LHFPL6: variants seen among roughly 807,000 people sequenced by gnomAD.
LHFPL6 encodes LHFPL tetraspan subfamily member 6.
A neutral mutation model predicts 20.6 loss-of-function variants in LHFPL6; 9 were observed. The observed-to-expected ratio is 0.44, with a 90% confidence interval of 0.26 to 0.76. The LOEUF (loss-of-function observed/expected upper bound fraction) is 0.76, where lower values mean the gene tolerates loss of function less well. Among genes scored for constraint, LHFPL6 ranks in the 30% least tolerant of loss-of-function variants. LHFPL6 has a pLI of 0.20. For synonymous variants in LHFPL6, 105 were observed against 98.7 expected (o/e 1.06, Z -0.38); for missense variants, 218 against 253.5 (o/e 0.86, Z 0.95).
intron 3 of LHFPL6, among the ~76,000 whole-genome samples, chr13:39,367,124 A>C (rs1402138317): frequency 6.6e-6 from 1 of 152,174 alleles, no homozygotes; most frequent in Non-Finnish European, 1.5e-5. Flanking sequence ...AAGGCTGAAC[A>C]CTCATTTTCA....
chr13:39,475,351 G>T (rs1873058050), intron 2 of LHFPL6, among the ~76,000 whole-genome samples: 1 of 151,934 alleles, frequency 6.6e-6, no homozygotes, highest in South Asian at 2.1e-4. Flanking sequence ...AATAAGATCA[G>T]ATGTGCTTAA....
At chr13:39,553,060 T>C (rs576968917) in intron 2 of LHFPL6, among the ~76,000 whole-genome samples, 1 of 152,250 alleles carries the variant, frequency 6.6e-6, no homozygotes, top group South Asian at 2.1e-4. Flanking sequence ...ATGTAAAGCA[T>C]CAGGAACCCT....
rs57695621 is a variant in LHFPL6, at chr13:39,441,137, A to ATTTT, written c.386-62615_386-62612dup. The stretch of plus-strand genomic sequence containing the variant: ...CAGGCATGTGCCACCATGCCAACTA[A>ATTTT]TTTTTTTTTTTTTTTTTTTTTTTTT... On this transcript the variant is annotated intron_variant, in intron 2 of 3. Transcript: ENST00000379589. Among the ~76,000 whole-genome samples, 43 of 91,456 alleles carry ATTTT rather than the reference A, an allele frequency of 4.7e-4. 2 individuals carry two copies. Among genetic ancestry groups the ATTTT allele is most frequent in the African/African-American group, 1.1e-3 (26 of 23,578 alleles). 60.0% of individuals were successfully genotyped at this position (91,456 alleles called of 152,430 possible).
intron 2 of LHFPL6, among the ~76,000 whole-genome samples, chr13:39,579,640 G>A (rs967160284): frequency 6.6e-6 from 1 of 152,024 alleles, no homozygotes; most frequent in African/African-American, 2.4e-5. Flanking sequence ...AACCATCAAA[G>A]ATATTATTTT....
In LHFPL6 at chr13:39,475,554, G is replaced by T. The variant is rs573228372; in HGVS notation, c.386-97028C>A. Among the ~76,000 whole-genome samples the T allele has an allele frequency of 2.5e-4, 38 of 152,210 alleles. 1 individual carries two copies. In the South Asian group the frequency reaches 7.9e-3, roughly 32 times the overall value. On this transcript the variant is annotated intron_variant, in intron 2 of 3. Coordinates refer to ENST00000379589, the MANE Select transcript of LHFPL6 (RefSeq NM_005780.3). ...TGCCCACCAAAATTGCAAGGATGCT[G>T]TGGTAGCAGCACATCTTGTAACAGA...
intron 2 of LHFPL6, among the ~76,000 whole-genome samples, chr13:39,461,183 C>T (rs1035434137): frequency 1.3e-5 from 2 of 152,168 alleles, no homozygotes; most frequent in Non-Finnish European, 2.9e-5. Flanking sequence ...GTTTTTATGG[C>T]TGCATAGGAG....
At chr13:39,575,266 G>C (rs554977198) in intron 2 of LHFPL6, among the ~76,000 whole-genome samples, 2 of 152,190 alleles carry the variant, frequency 1.3e-5, no homozygotes, top group Admixed American at 1.3e-4. Context: ...GTTATATTTT[G>C]GTTTGTGATT....
chr13:39,467,759 T>C (rs996126245), intron 2 of LHFPL6, among the ~76,000 whole-genome samples: 1 of 152,210 alleles, frequency 6.6e-6, no homozygotes, highest in Non-Finnish European at 1.5e-5. Flanking sequence ...AAAAGAATTA[T>C]TTACTAATCA....
intron 2 of LHFPL6, among the ~76,000 whole-genome samples, chr13:39,546,428 C>G (rs1287957494): frequency 2.6e-5 from 4 of 152,136 alleles, no homozygotes; most frequent in Non-Finnish European, 5.9e-5. Context: ...TTCCGATAGA[C>G]ATTTTAATTT....
chr13:39,584,870 AC>A (rs1233522533), intron 2 of LHFPL6, among the ~76,000 whole-genome samples: 5 of 152,120 alleles, frequency 3.3e-5, no homozygotes, highest in African/African-American at 1.2e-4. Context: ...ACCCAAGACA[AC>A]TGTGCACACA....
At chr13:39,386,089 A>G (rs1870556213) in intron 2 of LHFPL6, among the ~76,000 whole-genome samples, 1 of 152,136 alleles carries the variant, frequency 6.6e-6, no homozygotes, top group South Asian at 2.1e-4. Flanking sequence ...GTAAGCACCG[A>G]GGGAAATTGT....
intron 2 of LHFPL6, among the ~76,000 whole-genome samples, chr13:39,390,383 G>A (rs1350931403): frequency 1.3e-5 from 2 of 151,826 alleles, no homozygotes; most frequent in South Asian, 2.1e-4. Flanking sequence ...CTGTAGTCCC[G>A]ACTACTAAGG....
intron 2 of LHFPL6, among the ~76,000 whole-genome samples, chr13:39,400,571 C>T (rs1870959913): frequency 6.6e-6 from 1 of 151,720 alleles, no homozygotes; most frequent in Non-Finnish European, 1.5e-5. Flanking sequence ...ATCACGAGGT[C>T]AGGAGATCGA....
In LHFPL6 at chr13:39,435,025, C is replaced by T. The variant is rs1377585971; in HGVS notation, c.386-56499G>A. 4.6e-5 allele frequency among the ~76,000 whole-genome samples: 6 copies of T among 131,376 alleles called. 1 individual carries two copies. The highest frequency in any genetic ancestry group is 4.6e-4 in the East Asian group (2 of 4,324). The allele number at this position is 131,376 out of a possible 152,430, so 86.2% of individuals were successfully genotyped here. ...GAGCCGAGATTGCGCCACTGCAGTC[C>T]GCAGTCCGACCTGGGCGACAGAGCG... On this transcript the variant is annotated intron_variant, in intron 2 of 3. Transcript: ENST00000379589.
chr13:39,408,756 A>C (rs976432835), intron 2 of LHFPL6, among the ~76,000 whole-genome samples: 1 of 152,200 alleles, frequency 6.6e-6, no homozygotes, highest in Non-Finnish European at 1.5e-5. Flanking sequence ...CAACATCCAA[A>C]ACAGAAAGCA....
chr13:39,598,263 C>A (rs2138555156), intron 2 of LHFPL6, among the ~76,000 whole-genome samples: 1 of 142,256 alleles, frequency 7.0e-6, no homozygotes, highest in African/African-American at 2.6e-5. Flanking sequence ...AATGAACAAG[C>A]TACCTAGGGA....
intron 2 of LHFPL6, among the ~76,000 whole-genome samples, chr13:39,384,068 G>C (rs1566098998): frequency 6.6e-6 from 1 of 152,156 alleles, no homozygotes; most frequent in African/African-American, 2.4e-5. Context: ...TATCTGGAGT[G>C]GTTTCTCTTA....
At chr13:39,547,323 C>G (rs17060227) in intron 2 of LHFPL6, among the ~76,000 whole-genome samples, 22,952 of 152,074 alleles carry the variant, frequency 0.15, 2,062 homozygotes, top group East Asian at 0.4. Context: ...CTATTTCACC[C>G]ACTCATTGCT....
At chr13:39,435,320 A>G (rs947833975) in intron 2 of LHFPL6, among the ~76,000 whole-genome samples, 2 of 152,258 alleles carry the variant, frequency 1.3e-5, no homozygotes, top group Admixed American at 1.3e-4. Context: ...AGGAAAGTGA[A>G]CCCACATTGA....
Sources: allele counts gnomAD v4.1 joint callset (sites outside exome capture counted in the v4.1 genomes callset), GRCh38; gene constraint gnomAD v4.1.1; transcripts MANE v1.5; gene names NCBI Gene and HGNC (gene_info 2026-07-23, HGNC 2026-07-21).